Variants in CTR9 observed in about 807,000 individuals in gnomAD.
The protein encoded by CTR9 is RNA polymerase-associated protein CTR9 homolog.
A neutral mutation model predicts 152.1 loss-of-function variants in CTR9; 41 were observed. That is an observed-to-expected ratio of 0.27 (90% confidence interval 0.21 to 0.35). CTR9 has a LOEUF of 0.35. Ranked by LOEUF, CTR9 falls within the 10% of genes least tolerant of loss-of-function variation. The probability of loss-of-function intolerance (pLI) is 1.00; values close to 1 mark genes in which losing one functional copy is unlikely to be tolerated. For missense variants in CTR9, 917 were observed against 1,424.4 expected, an observed-to-expected ratio of 0.64 and a Z score of 5.73; for synonymous variants, 476 against 496.2, an observed-to-expected ratio of 0.96 and a Z score of 0.54.
intron 12 of CTR9, among the ~76,000 whole-genome samples, chr11:10,764,981 C>CT (rs1863036907): frequency 6.6e-6 from 1 of 152,186 alleles, no homozygotes; most frequent in African/African-American, 2.4e-5. Context: ...GGTCAGCTAC[C>CT]TTTGTTAGGC....
At chr11:10,765,933 T>TAGAGACATTTCCTAGTGC (rs1459389351) in intron 12 of CTR9, among the ~76,000 whole-genome samples, 75 of 152,346 alleles carry the variant, frequency 4.9e-4, no homozygotes, top group Non-Finnish European at 9.1e-4. Context: ...AAACAACAAC[T>TAGAGACATTTCCTAGTGC]TACATTTGTG....
In CTR9 at chr11:10,772,595, G is replaced by A. The variant is rs1459044830; in HGVS notation, c.2520G>A (p.Glu840=). Residue 840 remains glutamate (E), a synonymous_variant, in exon 20 of 25, where the codon GAG becomes GAA. Coordinates refer to ENST00000361367, the MANE Select transcript of CTR9 (RefSeq NM_014633.5). ...RARKQDEEER[E]LRAKQEQEKE... ...GCAAACAAGATGAAGAAGAGCGGGA[G>A]CTGCGGGCCAAGCAAGAGCAAGAAA... 6 of 1,611,854 alleles carry A rather than the reference G, an allele frequency of 3.7e-6. No homozygotes were observed. The highest frequency in any genetic ancestry group is 2.7e-5 in the African/African-American group (2 of 74,680).
At chr11:10,753,054 A>G (rs1173422291) in intron 2 of CTR9, among the ~76,000 whole-genome samples, 2 of 152,210 alleles carry the variant, frequency 1.3e-5, no homozygotes, top group Non-Finnish European at 2.9e-5. Context: ...AGGCTGGCTT[A>G]TGGTTTATAG....
rs1023209243 is a variant in CTR9 at position 10,779,605 on chromosome 11, A to C, written c.*500A>C. The C allele has an allele frequency of 6.3e-6, 1 of 158,008 alleles. No homozygotes were observed. The highest frequency in any genetic ancestry group is 1.4e-5 in the Non-Finnish European group (1 of 71,494). 9.8% of individuals were successfully genotyped at this position (158,008 alleles called of 1,614,324 possible). A position where few individuals can be genotyped will look rare whatever the true frequency, so the allele number is the denominator to read the frequency against. Reference sequence around the variant, plus strand: ...AGTACATTTGAAAGGAAGGTTTTCAATAGTGTAATACTGCAGCGATGTAGA... The same window carrying C: ...AGTACATTTGAAAGGAAGGTTTTCACTAGTGTAATACTGCAGCGATGTAGA... On this transcript the variant is annotated 3_prime_UTR_variant, in exon 25 of 25. Transcript: ENST00000361367.
intron 12 of CTR9, among the ~76,000 whole-genome samples, chr11:10,766,173 G>T (rs774852739): frequency 2.0e-5 from 3 of 152,192 alleles, no homozygotes; most frequent in Non-Finnish European, 2.9e-5. Flanking sequence ...CTAGCATTGG[G>T]AGTGGAGTGG....
At chr11:10,760,607 A>AC (rs889517392) in intron 6 of CTR9, among the ~76,000 whole-genome samples, 1 of 151,812 alleles carries the variant, frequency 6.6e-6, no homozygotes, top group African/African-American at 2.4e-5. Flanking sequence ...AAAAAAAAAA[A>AC]CAGAAAACAA....
At position 10,752,734 on chromosome 11, in the gene CTR9, G is replaced by A; in HGVS notation, c.108G>A (p.Gln36=). The A allele has an allele frequency of 1.2e-6, 2 of 1,613,956 alleles. No individual in the cohort carries two copies. Among genetic ancestry groups the A allele is most frequent in the Non-Finnish European group, 8.5e-7 (1 of 1,179,890 alleles). ...EGDEVISILK[Q]EHTQLHIWIA... ...ATGAAGTTATCAGTATTCTGAAACA[G>A]GAACACACACAACTGCACATATGGA... Residue 36 remains glutamine (Q), a synonymous_variant, in exon 2 of 25, where the codon CAG becomes CAA. Transcript: ENST00000361367.
chr11:10,753,242 T>G (rs140588233), intron 2 of CTR9, among the ~76,000 whole-genome samples: 2,004 of 152,290 alleles, frequency 0.013, 34 homozygotes, highest in African/African-American at 0.044. Flanking sequence ...TTATGTTTTT[T>G]GTCCTATTTA....
At chr11:10,774,897 T>C (rs1379737475) in intron 22 of CTR9, among the ~76,000 whole-genome samples, 2 of 151,658 alleles carry the variant, frequency 1.3e-5, no homozygotes, top group Non-Finnish European at 2.9e-5. Flanking sequence ...GGGAAAGACG[T>C]TGAAGTCTGG....
chr11:10,754,561 C>T (rs1862855246), intron 2 of CTR9, among the ~76,000 whole-genome samples: 1 of 152,102 alleles, frequency 6.6e-6, no homozygotes, highest in Admixed American at 6.5e-5. Context: ...TCCTCTGTAC[C>T]ACTCCCCACA....
chr11:10,773,254 G>A lies in CTR9; in HGVS notation c.2708G>A (p.Arg903Lys), dbSNP rs1019111026. 6.2e-7 allele frequency: 1 copy of A among 1,612,502 alleles called. No individual in the cohort carries two copies. Among genetic ancestry groups the A allele is most frequent in the Non-Finnish European group, 8.5e-7 (1 of 1,179,702 alleles). The change falls in exon 21 of 25, where the codon AGA (arginine) becomes AAA (lysine). Residue 903 changes from arginine to lysine, a missense_variant. Physicochemically the swap from Arg to Lys is conservative, Grantham distance 26 (BLOSUM62 2). This residue lies in a region of CTR9 where 384 missense variants were observed against 398.4 expected (regional missense o/e 0.96). Coordinates refer to ENST00000361367, the MANE Select transcript of CTR9 (RefSeq NM_014633.5). ...ACTGAAGCAACAAAAGAGAAGAAAA[G>A]AGGTGGTGGTGGTGGACGGGTAAGA... ...GETEATKEKK[R>K]GGGGGRRSKK...
intron 22 of CTR9, 55 bp from the exon 23 acceptor site, chr11:10,775,152 T>C: frequency 2.1e-6 from 3 of 1,410,542 alleles, no homozygotes; most frequent in Non-Finnish European, 3.0e-6. Context: ...CAAAGTAGTC[T>C]GGAACTTTAT....
At chr11:10,775,377 T>C (rs145741161) in intron 23 of CTR9, 74 bp downstream of exon 23, 560 of 1,437,122 alleles carry the variant, frequency 3.9e-4, no homozygotes, top group Non-Finnish European at 4.5e-4. Context: ...ATACATTCTT[T>C]CCTTGCAGCT....
intron 5 of CTR9, among the ~76,000 whole-genome samples, chr11:10,759,235 A>G (rs1280871719): frequency 6.6e-6 from 1 of 152,264 alleles, no homozygotes; most frequent in Non-Finnish European, 1.5e-5. Context: ...AGAAGATAAT[A>G]GCCAGAGGTA....
intron 4 of CTR9, among the ~76,000 whole-genome samples, chr11:10,756,120 C>T (rs369391528): frequency 6.6e-6 from 1 of 152,084 alleles, no homozygotes; most frequent in African/African-American, 2.4e-5. Flanking sequence ...CGAGCTGGGG[C>T]AACATAGCAA....
intron 4 of CTR9, 111 bp downstream of exon 4, chr11:10,755,906 G>C: frequency 1.7e-6 from 1 of 588,384 alleles, no homozygotes; most frequent in South Asian, 2.5e-5. Flanking sequence ...AAGTAGAAGA[G>C]CTTTATGTTG....
intron 2 of CTR9, 127 bp from the exon 3 acceptor site, chr11:10,754,831 T>A (rs1862859940): frequency 1.1e-6 from 1 of 928,836 alleles, no homozygotes; most frequent in Non-Finnish European, 1.6e-6. Flanking sequence ...TCCATTCACC[T>A]GTTAATCAAC....
chr11:10,771,001 C>G (rs1019270195), intron 18 of CTR9, among the ~76,000 whole-genome samples: 1 of 152,226 alleles, frequency 6.6e-6, no homozygotes, highest in Non-Finnish European at 1.5e-5. Context: ...GTTGGTCTTC[C>G]ATTTTACACC....
In CTR9 at chr11:10,773,257, G is replaced by A. The variant is rs1173379818; in HGVS notation, c.2711G>A (p.Gly904Asp). ...GAAGCAACAAAAGAGAAGAAAAGAGGTGGTGGTGGTGGACGGGTAAGATAT... is the reference window on the plus strand; with the variant it reads ...GAAGCAACAAAAGAGAAGAAAAGAGATGGTGGTGGTGGACGGGTAAGATAT... ...ETEATKEKKR[G>D]GGGGRRSKKG... is the part of the protein sequence containing the mutation. Residue 904 changes from glycine (G) to aspartate (D), a missense_variant, in exon 21 of 25, where the codon GGT becomes GAT. Gly to Asp is a moderately conservative substitution (Grantham distance 94, BLOSUM62 -1). Around this residue, in one of 9 missense-constraint regions of CTR9, gnomAD observed 384 missense variants for 398.4 expected, o/e 0.96. Coordinates refer to ENST00000361367, the MANE Select transcript of CTR9 (RefSeq NM_014633.5). The A allele has an allele frequency of 1.9e-6, 3 of 1,611,498 alleles. No individual in the cohort carries two copies.
Sources: gnomAD v4.1 joint callset for allele counts (sites outside exome capture counted in the v4.1 genomes callset) on GRCh38, gnomAD v4.1.1 for gene constraint, gnomAD v4.1.1 regional missense constraint, MANE v1.5 for transcripts, NCBI Gene and HGNC (gene_info 2026-07-23, HGNC 2026-07-21) for gene names.